DAB1: variants seen among roughly 807,000 people sequenced by gnomAD.
The protein encoded by DAB1 is DAB adaptor protein 1, also known as disabled homolog 1.
In DAB1, 15 loss-of-function variants were observed where a neutral mutation model predicts 64.6. The ratio of observed to expected loss-of-function variants is 0.23; its 90% CI spans 0.16 to 0.36. The LOEUF is 0.36. DAB1 is among the 10% of genes least tolerant of loss of function. The pLI is 1.00. For missense variants in DAB1, 596 were observed against 706.7 expected (o/e 0.84, Z 1.78); for synonymous variants, 235 against 251.9 (o/e 0.93, Z 0.64).
chr1:58,120,923 T>A (rs1429776007), intron 5 of DAB1, among the ~76,000 whole-genome samples: 2 of 152,182 alleles, frequency 1.3e-5, no homozygotes, highest in African/African-American at 2.4e-5. Context: ...AACTTAATTA[T>A]GACCGGATGA....
intron 4 of DAB1, among the ~76,000 whole-genome samples, chr1:57,080,953 A>G (rs1463120786): frequency 6.6e-6 from 1 of 152,204 alleles, no homozygotes; most frequent in Non-Finnish European, 1.5e-5. Context: ...GCTAAGGTGC[A>G]CTAGGTTCTG....
intron 2 of DAB1, among the ~76,000 whole-genome samples, chr1:58,519,290 A>G (rs78411998): frequency 6.6e-6 from 1 of 152,268 alleles, no homozygotes; most frequent in East Asian, 1.9e-4. Flanking sequence ...GTTACATGAG[A>G]TATTTTGATA....
intron 2 of DAB1, among the ~76,000 whole-genome samples, chr1:57,230,850 G>A (rs1157267508): frequency 3.9e-5 from 6 of 151,992 alleles, no homozygotes; most frequent in African/African-American, 7.2e-5. Flanking sequence ...TGGTAACTTC[G>A]TGAAGTCACT....
chr1:58,189,863 T>A (rs960850149), intron 4 of DAB1, among the ~76,000 whole-genome samples: 5 of 152,230 alleles, frequency 3.3e-5, no homozygotes. Flanking sequence ...AGGGGTCCCA[T>A]GGGCTACTGG....
rs1434477788 is a variant in DAB1 at position 57,228,199 on chromosome 1, C to T, written c.67+62765G>A. On this transcript the variant is annotated intron_variant, in intron 2 of 14. Transcript: ENST00000371236. ...TTGTTCTCCTTTGAAATAGTCTTCA[C>T]TATTCTTGGATGCCTGCACTTTGGT... is the stretch of plus-strand genomic sequence containing the variant. 2.0e-5 allele frequency among the ~76,000 whole-genome samples: 3 copies of T among 152,192 alleles called. 1 individual carries two copies. In the East Asian group the frequency reaches 5.8e-4, roughly 29 times the overall value.
chr1:57,236,312 A>G (rs1668083461), intron 2 of DAB1, among the ~76,000 whole-genome samples: 1 of 152,186 alleles, frequency 6.6e-6, no homozygotes, highest in Non-Finnish European at 1.5e-5. Context: ...CTTGGGCAAG[A>G]CCACAAGCTC....
intron 2 of DAB1, among the ~76,000 whole-genome samples, chr1:58,518,656 G>A (rs542282297): frequency 6.6e-6 from 1 of 151,220 alleles, no homozygotes; most frequent in East Asian, 2.0e-4. Flanking sequence ...GGACTCCAGG[G>A]TTTTTTTTCC....
intron 5 of DAB1, among the ~76,000 whole-genome samples, chr1:58,069,514 A>G (rs757362690): frequency 1.3e-5 from 2 of 152,088 alleles, no homozygotes; most frequent in Non-Finnish European, 2.9e-5. Context: ...GTGGCGGGCA[A>G]TTGTCCCTAT....
chr1:57,450,771 C>A (rs1477263046), intron 7 of DAB1, among the ~76,000 whole-genome samples: 8 of 152,168 alleles, frequency 5.3e-5, no homozygotes, highest in Admixed American at 1.3e-4. Flanking sequence ...TCTTTTAAAA[C>A]AATGAACTTC....
rs187477091 is a variant in DAB1, at chr1:58,234,709, A to G, written n.310-84121T>C. Among the ~76,000 whole-genome samples the G allele has an allele frequency of 2.0e-3, 305 of 152,318 alleles. 2 individuals carry two copies. Among genetic ancestry groups the G allele is most frequent in the African/African-American group, 7.0e-3 (289 of 41,570 alleles). On this transcript the variant is annotated intron_variant and non_coding_transcript_variant, in intron 4 of 20. Transcript: ENST00000485760. ...AGAAGTGAACGAGAGCAGGGCACACATAGGAAACTGCCAGTGGTTCCCTAG... is the reference window on the plus strand; with the variant it reads ...AGAAGTGAACGAGAGCAGGGCACACGTAGGAAACTGCCAGTGGTTCCCTAG...
rs371117494 is a variant in DAB1, at chr1:58,245,024, C to CA, written n.310-94437dup. Among the ~76,000 whole-genome samples the CA allele has an allele frequency of 5.6e-4, 86 of 152,302 alleles. 1 individual carries two copies. The highest frequency in any genetic ancestry group is 2.0e-3 in the African/African-American group (84 of 41,570). On this transcript the variant is annotated intron_variant and non_coding_transcript_variant, in intron 4 of 20. Coordinates refer to the DAB1 transcript ENST00000485760. ...GTCATCAGGTTTTCTAGCACACCTA[C>CA]AGAACTAGGAACTATGTCCACAACT...
At chr1:57,551,072 C>G (rs1049058786) in intron 7 of DAB1, among the ~76,000 whole-genome samples, 1 of 152,100 alleles carries the variant, frequency 6.6e-6, no homozygotes, top group Non-Finnish European at 1.5e-5. Flanking sequence ...TGCGATGACA[C>G]TAAGACTATG....
rs144821025 is a variant in DAB1, at chr1:58,537,931, T to C, written n.32+8772A>G. On this transcript the variant is annotated intron_variant and non_coding_transcript_variant, in intron 1 of 20. Coordinates refer to the DAB1 transcript ENST00000485760. ...TAAATAATTTAAAAGGATGAGGACA[T>C]AGCAGAAATCAGAAAGAGCATCCGA... 5.4e-3 allele frequency among the ~76,000 whole-genome samples: 828 copies of C among 152,270 alleles called. 6 individuals are homozygous for C. Among genetic ancestry groups the C allele is most frequent in the African/African-American group, 0.019 (792 of 41,556 alleles).
At chr1:57,181,952 C>A (rs1662991226) in intron 2 of DAB1, among the ~76,000 whole-genome samples, 1 of 152,202 alleles carries the variant, frequency 6.6e-6, no homozygotes, top group Non-Finnish European at 1.5e-5. Flanking sequence ...GTGGTGCCAT[C>A]TCGGCTTACT....
chr1:58,368,201 T>C (rs575895173), intron 3 of DAB1, among the ~76,000 whole-genome samples: 145 of 152,290 alleles, frequency 9.5e-4, no homozygotes, highest in African/African-American at 3.4e-3. Flanking sequence ...CATAAGCCAA[T>C]GAGGTTGGTG....
At chr1:57,993,757 A>G (rs1182662098) in intron 5 of DAB1, among the ~76,000 whole-genome samples, 2 of 131,474 alleles carry the variant, frequency 1.5e-5, no homozygotes, top group African/African-American at 5.0e-5. Context: ...TACTGGCAGA[A>G]GCTGGAAATT....
Position 58,440,238 on chromosome 1 carries a change from C to T in DAB1, n.257+65822G>A, listed in dbSNP as rs76068806. Among the ~76,000 whole-genome samples, 224 of 152,336 alleles carry T rather than the reference C, an allele frequency of 1.5e-3. 2 individuals are homozygous for T. The highest frequency in any genetic ancestry group is 5.3e-3 in the African/African-American group (219 of 41,568). ...TCTGCCTGCCTCTGCAGCTTACGCA[C>T]TGCTTGGATTTGTGTAGTCATTTAT... is the stretch of plus-strand genomic sequence containing the variant. On this transcript the variant is annotated intron_variant and non_coding_transcript_variant, in intron 3 of 20. Transcript: ENST00000485760.
chr1:57,687,886 C>T (rs1002814231), intron 6 of DAB1, among the ~76,000 whole-genome samples: 4 of 151,976 alleles, frequency 2.6e-5, no homozygotes, highest in African/African-American at 9.7e-5. Flanking sequence ...GAAACTAGAC[C>T]CACTACTTTT....
intron 6 of DAB1, among the ~76,000 whole-genome samples, chr1:57,761,171 A>T (rs896997152): frequency 4.6e-5 from 7 of 152,154 alleles, no homozygotes; most frequent in Non-Finnish European, 8.8e-5. Flanking sequence ...TTTTGCTTTC[A>T]CTATTTCCAG....
Sources: gnomAD v4.1 joint callset for allele counts (sites outside exome capture counted in the v4.1 genomes callset) on GRCh38, gnomAD v4.1.1 for gene constraint, MANE v1.5 for transcripts, NCBI Gene and HGNC (gene_info 2026-07-23, HGNC 2026-07-21) for gene names.